Variants in GALNTL6 observed in about 807,000 individuals in gnomAD.
GALNTL6 encodes the protein polypeptide N-acetylgalactosaminyltransferase like 6.
A neutral mutation model predicts 73.7 loss-of-function variants in GALNTL6; 46 were observed. The ratio of observed to expected loss-of-function variants is 0.62; its 90% confidence interval spans 0.49 to 0.80. The LOEUF is 0.80. Ranked by LOEUF, GALNTL6 falls within the 30% of genes least tolerant of loss-of-function variation. The probability of loss-of-function intolerance (pLI) is 0.00; values close to 1 mark genes in which losing one functional copy is unlikely to be tolerated. For synonymous variants in GALNTL6, 259 were observed against 263.7 expected, an observed-to-expected ratio of 0.98 and a Z score of 0.17; for missense variants, 604 against 755.0, an observed-to-expected ratio of 0.80 and a Z score of 2.34.
intron 2 of GALNTL6, among the ~76,000 whole-genome samples, chr4:172,215,903 A>G (rs1279928560): frequency 6.6e-6 from 1 of 152,072 alleles, no homozygotes; most frequent in African/African-American, 2.4e-5. Context: ...AGTTTGCATT[A>G]TGCATTTCTA....
At chr4:172,028,054 T>C (rs535475401) in intron 2 of GALNTL6, among the ~76,000 whole-genome samples, 19 of 152,232 alleles carry the variant, frequency 1.2e-4, no homozygotes, top group Non-Finnish European at 2.8e-4. Context: ...TGAAGGTGGC[T>C]ACACACTAAA....
chr4:172,203,702 A>G (rs775432989), intron 2 of GALNTL6, among the ~76,000 whole-genome samples: 22 of 152,180 alleles, frequency 1.4e-4, no homozygotes, highest in Non-Finnish European at 2.5e-4. Context: ...TTCCTTCTCT[A>G]TGAAACTGAT....
chr4:172,376,080 G>A (rs1421643344), intron 5 of GALNTL6, among the ~76,000 whole-genome samples: 1 of 152,170 alleles, frequency 6.6e-6, no homozygotes, highest in Admixed American at 6.5e-5. Flanking sequence ...TAAAATTCCA[G>A]GTAGTCTCCC....
chr4:172,110,069 T>G (rs1732809665), intron 2 of GALNTL6, among the ~76,000 whole-genome samples: 1 of 151,908 alleles, frequency 6.6e-6, no homozygotes, highest in South Asian at 2.1e-4. Context: ...CAGAATATTC[T>G]CTTTCTTTTA....
chr4:172,635,148 T>G (rs1739609529), intron 5 of GALNTL6, among the ~76,000 whole-genome samples: 1 of 152,208 alleles, frequency 6.6e-6, no homozygotes, highest in Non-Finnish European at 1.5e-5. Flanking sequence ...AGAATATAAC[T>G]AAACTTTTTA....
intron 5 of GALNTL6, among the ~76,000 whole-genome samples, chr4:172,659,567 A>G (rs1469069678): frequency 6.6e-6 from 1 of 150,876 alleles, no homozygotes; most frequent in Non-Finnish European, 1.5e-5. Context: ...ACCACCATTT[A>G]TTCTCTACCT....
intron 5 of GALNTL6, among the ~76,000 whole-genome samples, chr4:172,567,106 G>A (rs1736582898): frequency 6.6e-6 from 1 of 151,494 alleles, no homozygotes; most frequent in Admixed American, 6.6e-5. Flanking sequence ...GGAGAGTTGA[G>A]GACATAGCTG....
intron 11 of GALNTL6, among the ~76,000 whole-genome samples, chr4:173,014,250 C>G (rs1752683533): frequency 6.6e-6 from 1 of 152,148 alleles, no homozygotes; most frequent in African/African-American, 2.4e-5. Flanking sequence ...ATCATGGTAG[C>G]ATTATGCTTC....
intron 2 of GALNTL6, among the ~76,000 whole-genome samples, chr4:172,075,955 A>G (rs2110911876): frequency 6.6e-6 from 1 of 152,348 alleles, no homozygotes; most frequent in African/African-American, 2.4e-5. Flanking sequence ...TATTGCATAC[A>G]GCTCTTTAAT....
intron 2 of GALNTL6, among the ~76,000 whole-genome samples, chr4:172,066,870 A>G (rs1201022102): frequency 1.3e-5 from 2 of 151,922 alleles, no homozygotes; most frequent in Non-Finnish European, 2.9e-5. Context: ...TTTCTCCCTA[A>G]CCTTTACCTG....
chr4:173,010,728 G>A (rs1752511289), intron 11 of GALNTL6, among the ~76,000 whole-genome samples: 1 of 151,412 alleles, frequency 6.6e-6, no homozygotes, highest in Non-Finnish European at 1.5e-5. Flanking sequence ...CCGAGAAGCT[G>A]GGATTACAGG....
At chr4:172,073,166 TATC>T (rs1731596890) in intron 2 of GALNTL6, among the ~76,000 whole-genome samples, 1 of 152,172 alleles carries the variant, frequency 6.6e-6, no homozygotes, top group Non-Finnish European at 1.5e-5. Context: ...TATACTTAAA[TATC>T]ATCTTTTCAT....
chr4:172,086,558 T>C (rs887986759), intron 2 of GALNTL6, among the ~76,000 whole-genome samples: 4 of 152,130 alleles, frequency 2.6e-5, no homozygotes. Flanking sequence ...ATAAGATACC[T>C]ATAAACACAT....
chr4:172,875,341 C>A (rs1460533442), intron 7 of GALNTL6, among the ~76,000 whole-genome samples: 1 of 151,996 alleles, frequency 6.6e-6, no homozygotes, highest in Non-Finnish European at 1.5e-5. Context: ...ATGAATGAAT[C>A]CAATAAGAAT....
At chr4:172,606,487 A>G (rs1449783217) in intron 5 of GALNTL6, among the ~76,000 whole-genome samples, 1 of 147,280 alleles carries the variant, frequency 6.8e-6, no homozygotes, top group Admixed American at 6.8e-5. Flanking sequence ...AACAAAAAAA[A>G]ATAGCTAATA....
At chr4:172,150,088 A>G (rs1424171756) in intron 2 of GALNTL6, among the ~76,000 whole-genome samples, 1 of 152,092 alleles carries the variant, frequency 6.6e-6, no homozygotes, top group Non-Finnish European at 1.5e-5. Context: ...GCCCACCACC[A>G]ATACAAGCCC....
At chr4:172,572,354 A>G (rs1736793656) in intron 5 of GALNTL6, among the ~76,000 whole-genome samples, 2 of 152,198 alleles carry the variant, frequency 1.3e-5, no homozygotes, top group Admixed American at 6.5e-5. Flanking sequence ...CAACTCTGAA[A>G]CGTAATGAGA....
chr4:173,015,821 C>T (rs755086912), intron 11 of GALNTL6, among the ~76,000 whole-genome samples: 26 of 152,322 alleles, frequency 1.7e-4, no homozygotes, highest in Middle Eastern at 6.8e-3. Flanking sequence ...ATCACCAAGA[C>T]AATAGGGAAT....
intron 2 of GALNTL6, among the ~76,000 whole-genome samples, chr4:172,094,323 G>GA (rs757068135): frequency 6.6e-6 from 1 of 152,022 alleles, no homozygotes; most frequent in Non-Finnish European, 1.5e-5. Flanking sequence ...ACACTGAAAA[G>GA]ATTTTTTTAA....
Sources: gnomAD v4.1 joint callset for allele counts (sites outside exome capture counted in the v4.1 genomes callset) on GRCh38, gnomAD v4.1.1 for gene constraint, MANE v1.5 for transcripts, NCBI Gene and HGNC (gene_info 2026-07-23, HGNC 2026-07-21) for gene names.